The following GPHN variants were observed in gnomAD, a reference collection of about 807,000 sequenced individuals.
GPHN encodes gephyrin.
GPHN carries 17 observed loss-of-function variants against 95.5 expected under a neutral mutation model. The observed-to-expected ratio is 0.18, with a 90% confidence interval of 0.12 to 0.27. GPHN has a LOEUF of 0.27. GPHN is among the 10% of genes least tolerant of loss of function. The pLI is 1.00. For synonymous variants in GPHN, 320 were observed against 322.5 expected (o/e 0.99, Z 0.08); for missense variants, 660 against 978.1 (o/e 0.67, Z 4.34).
At chr14:67,458,041 G>A in the GPHN span, among the ~76,000 whole-genome samples, 5 of 152,248 alleles carry the variant, frequency 3.3e-5, no homozygotes, top group African/African-American at 1.2e-4. Flanking sequence ...GCAGCCAGGA[G>A]CGGGAATTGA....
rs554205800 is a variant in GPHN at position 66,677,323 on chromosome 14, C to T, written c.65-3784C>T. On this transcript the variant is annotated intron_variant, in intron 1 of 22. Transcript: ENST00000478722. The stretch of plus-strand genomic sequence containing the variant: ...TTATTTTAGGTTTGGCTTGTTCTTC[C>T]TTTTCTGGTTTCTTGAGGTGCTTTG... Among the ~76,000 whole-genome samples, 52 of 151,860 alleles carry T rather than the reference C, an allele frequency of 3.4e-4. 1 individual carries two copies. Among genetic ancestry groups the T allele is most frequent in the Admixed American group, 1.3e-3 (20 of 15,244 alleles).
At chr14:66,955,071 T>C (rs946181623) in intron 8 of GPHN, among the ~76,000 whole-genome samples, 4 of 152,222 alleles carry the variant, frequency 2.6e-5, no homozygotes, top group African/African-American at 9.6e-5. Flanking sequence ...CCTGTAGTTT[T>C]TTTGTTCTTA....
At chr14:67,025,125 T>C (rs913272143) in intron 10 of GPHN, among the ~76,000 whole-genome samples, 2 of 152,184 alleles carry the variant, frequency 1.3e-5, no homozygotes, top group African/African-American at 4.8e-5. Flanking sequence ...AGCTCCCTAG[T>C]TGCCAACTTT....
chr14:67,530,826 C>T, the GPHN span, among the ~76,000 whole-genome samples: 1 of 152,182 alleles, frequency 6.6e-6, no homozygotes, highest in African/African-American at 2.4e-5. Flanking sequence ...CTTGCCAATA[C>T]ATGTATATTT....
the GPHN span, among the ~76,000 whole-genome samples, chr14:67,297,119 A>G: frequency 1.3e-5 from 2 of 152,276 alleles, no homozygotes; most frequent in South Asian, 4.1e-4. Context: ...AAGAAAAATA[A>G]TAATACCAGA....
the GPHN span, among the ~76,000 whole-genome samples, chr14:67,411,033 G>C: frequency 6.6e-6 from 1 of 150,866 alleles, no homozygotes; most frequent in Non-Finnish European, 1.5e-5. Flanking sequence ...TGTAGTCCCA[G>C]CTACTAGGGA....
chr14:66,733,714 C>G, intron 2 of GPHN, among the ~76,000 whole-genome samples: 1 of 152,094 alleles, frequency 6.6e-6, no homozygotes. Context: ...AGGCACATAT[C>G]TATCAAATAA....
At chr14:67,376,359 T>C in the GPHN span, 3 of 1,331,270 alleles carry the variant, frequency 2.3e-6, no homozygotes, top group African/African-American at 4.4e-5. Context: ...GTAGCCAAAT[T>C]ATGTTATTTA....
intron 1 of GPHN, among the ~76,000 whole-genome samples, chr14:66,651,436 C>T (rs2065038153): frequency 6.6e-6 from 1 of 152,140 alleles, no homozygotes; most frequent in Non-Finnish European, 1.5e-5. Flanking sequence ...CTGCCTTTCT[C>T]TCAGCTAGTG....
chr14:67,616,282 TTTTTTA>T, the GPHN span: 1 of 162,856 alleles, frequency 6.1e-6, no homozygotes, highest in African/African-American at 2.4e-5. Flanking sequence ...TCCTGGTGAT[TTTTTTA>T]ATAGCCTCCA....
At chr14:67,031,762 C>T (rs2074207199) in intron 10 of GPHN, among the ~76,000 whole-genome samples, 2 of 152,014 alleles carry the variant, frequency 1.3e-5, no homozygotes, top group Non-Finnish European at 2.9e-5. Flanking sequence ...AACCTATATT[C>T]CCAAAGTACT....
intron 1 of GPHN, among the ~76,000 whole-genome samples, chr14:66,616,039 T>G (rs1419164040): frequency 1.3e-5 from 2 of 151,776 alleles, no homozygotes; most frequent in Admixed American, 1.3e-4. Flanking sequence ...AGATGTGTGG[T>G]GTTATTTCTG....
the GPHN span, chr14:67,574,289 C>T: frequency 6.6e-5 from 106 of 1,608,538 alleles, no homozygotes; most frequent in Non-Finnish European, 8.8e-5. This position sits in a 1 kb window ranked among gnomAD's most constrained non-coding sequence, Gnocchi z 4.2. Context: ...ATTCACCCAG[C>T]CTGCTGGAGG....
chr14:67,103,850 A>T (rs1338323742), intron 13 of GPHN, among the ~76,000 whole-genome samples: 1 of 152,044 alleles, frequency 6.6e-6, no homozygotes, highest in Non-Finnish European at 1.5e-5. Context: ...TCCCCTTTGG[A>T]TACCCTTTAT....
chr14:67,395,526 G>A, the GPHN span: 130 of 1,614,146 alleles, frequency 8.1e-5, 1 homozygote, highest in East Asian at 1.0e-3. Flanking sequence ...CGCTCCTCTC[G>A]AGAACAGGCC....
chr14:67,078,881 GCT>G (rs33954352), intron 11 of GPHN, among the ~76,000 whole-genome samples: 39,083 of 151,552 alleles, frequency 0.26, 10,278 homozygotes, highest in African/African-American at 0.65. Context: ...CTTCCCTTAA[GCT>G]CTCAGACCAA....
At chr14:67,681,857 G>A in the GPHN span, among the ~76,000 whole-genome samples, 1 of 152,066 alleles carries the variant, frequency 6.6e-6, no homozygotes, top group African/African-American at 2.4e-5. Context: ...GAAAACATAG[G>A]GGTTGCTATA....
intron 5 of GPHN, among the ~76,000 whole-genome samples, chr14:66,888,040 A>G (rs1432258305): frequency 6.6e-6 from 1 of 152,208 alleles, no homozygotes; most frequent in Non-Finnish European, 1.5e-5. Flanking sequence ...CTCTCACTGC[A>G]TACCTCCAAA....
chr14:67,476,447 TG>T, the GPHN span, among the ~76,000 whole-genome samples: 1 of 151,806 alleles, frequency 6.6e-6, no homozygotes, highest in Non-Finnish European at 1.5e-5. Flanking sequence ...ATTAGCTGGG[TG>T]TGGTGGCATG....
Sources: allele counts gnomAD v4.1 joint callset (sites outside exome capture counted in the v4.1 genomes callset), GRCh38; gene constraint gnomAD v4.1.1; non-coding constraint Gnocchi (gnomAD v3.1); transcripts MANE v1.5; gene names NCBI Gene and HGNC (gene_info 2026-07-23, HGNC 2026-07-21).